Variants in MYO5B observed in about 807,000 individuals in gnomAD.
MYO5B encodes unconventional myosin-Vb.
A neutral mutation model predicts 229.3 loss-of-function variants in MYO5B; 143 were observed. That is an observed-to-expected ratio of 0.62 (90% CI 0.54 to 0.72). The LOEUF is 0.72. Ranked by LOEUF, MYO5B falls within the 30% of genes least tolerant of loss-of-function variation. The probability of loss-of-function intolerance (pLI) is 0.00; values close to 1 mark genes in which losing one functional copy is unlikely to be tolerated. For missense variants in MYO5B, 2,321 were observed against 2,331.0 expected, an observed-to-expected ratio of 1.00 and a Z score of 0.09; for synonymous variants, 918 against 885.2, an observed-to-expected ratio of 1.04 and a Z score of -0.66.
rs180961221 is a variant in MYO5B at position 49,916,654 on chromosome 18, A to G, written c.2091-4481T>C. Among the ~76,000 whole-genome samples, 30 of 152,266 alleles carry G rather than the reference A, an allele frequency of 2.0e-4. No homozygotes were observed. The East Asian group carries it at 4.8e-3, about 25-fold the overall frequency. ...GAGATGCCAGCTCCTGTGTGAAGGC[A>G]AACCGTCCACTGAGAAGCACCACCA... On this transcript the variant is annotated intron_variant, in intron 17 of 39. Transcript: ENST00000285039.
chr18:50,120,900 A>G (rs764870140), intron 1 of MYO5B, among the ~76,000 whole-genome samples: 2 of 152,134 alleles, frequency 1.3e-5, no homozygotes, highest in African/African-American at 2.4e-5. Context: ...AAGGCTTCCA[A>G]TGTTTCAGGA....
intron 1 of MYO5B, among the ~76,000 whole-genome samples, chr18:50,110,792 TCTAGA>T (rs2031851741): frequency 6.6e-6 from 1 of 151,864 alleles, no homozygotes; most frequent in Admixed American, 6.6e-5. Context: ...ACCTAGAAGA[TCTAGA>T]CAAGGTAGAG....
At chr18:49,846,081 A>G (rs755150654) in intron 33 of MYO5B, among the ~76,000 whole-genome samples, 59 of 152,294 alleles carry the variant, frequency 3.9e-4, no homozygotes, top group Middle Eastern at 3.4e-3. Flanking sequence ...CAGGGAGCAC[A>G]TGGGGGTGGG....
chr18:49,963,227 A>T (rs117206526), intron 10 of MYO5B, among the ~76,000 whole-genome samples, 197 bp from the exon 11 acceptor site: 1 of 152,112 alleles, frequency 6.6e-6, no homozygotes, highest in Non-Finnish European at 1.5e-5. Flanking sequence ...TCTATTTTCA[A>T]AACTAGAAAA....
At position 49,823,419 on chromosome 18, in the gene MYO5B, T is replaced by G. The variant is rs1286728070; in HGVS notation, c.*3052A>C. ...ACAAATGCCTCAATTTAGGACACCC[T>G]TGCTGTCTTAGTAGGTCAAGTGTAT... On this transcript the variant is annotated 3_prime_UTR_variant, in exon 40 of 40. Transcript: ENST00000285039. The G allele has an allele frequency of 2.6e-5, 4 of 152,322 alleles. No homozygotes were observed. Among genetic ancestry groups the G allele is most frequent in the African/African-American group, 9.6e-5 (4 of 41,486 alleles). The allele number at this position is 152,322 out of a possible 1,614,324, so 9.4% of individuals were successfully genotyped here.
intron 2 of MYO5B, among the ~76,000 whole-genome samples, chr18:50,041,231 T>G (rs560372123): frequency 6.6e-6 from 1 of 152,302 alleles, no homozygotes; most frequent in African/African-American, 2.4e-5. Flanking sequence ...TTAAAATACA[T>G]TCCCAAGTAA....
At chr18:50,133,536 A>C (rs554228375) in intron 1 of MYO5B, among the ~76,000 whole-genome samples, 1 of 152,312 alleles carries the variant, frequency 6.6e-6, no homozygotes, top group Non-Finnish European at 1.5e-5. Context: ...AAGTTGACTC[A>C]AGAACCAAGA....
intron 8 of MYO5B, among the ~76,000 whole-genome samples, chr18:49,981,298 AG>A (rs2025811679): frequency 6.6e-6 from 1 of 152,282 alleles, no homozygotes; most frequent in South Asian, 2.1e-4. Context: ...AATGAATACC[AG>A]TGAACCTTCC....
At chr18:50,184,054 A>C (rs1467987068) in intron 1 of MYO5B, among the ~76,000 whole-genome samples, 1 of 152,202 alleles carries the variant, frequency 6.6e-6, no homozygotes, top group African/African-American at 2.4e-5. Flanking sequence ...AACCTTTTTA[A>C]AATAAATTAC....
chr18:49,837,837 C>T (rs1306109795), intron 36 of MYO5B, 35 bp from the exon 37 acceptor site: 2 of 1,610,566 alleles, frequency 1.2e-6, no homozygotes, highest in South Asian at 2.2e-5. Flanking sequence ...AGCTTGCATT[C>T]CCCACTAACA....
chr18:49,934,352 C>T (rs1381273379), intron 16 of MYO5B, among the ~76,000 whole-genome samples: 2 of 152,216 alleles, frequency 1.3e-5, no homozygotes, highest in African/African-American at 4.8e-5. Context: ...GTCAGTATTC[C>T]TCCCACCTTT....
intron 1 of MYO5B, among the ~76,000 whole-genome samples, chr18:50,176,457 T>C (rs928452052): frequency 6.6e-6 from 1 of 152,204 alleles, no homozygotes; most frequent in Non-Finnish European, 1.5e-5. Context: ...ATAACTGCAT[T>C]TCTGAAATTT....
At chr18:49,872,655 G>A (rs1458631710) in intron 26 of MYO5B, among the ~76,000 whole-genome samples, 1 of 152,144 alleles carries the variant, frequency 6.6e-6, no homozygotes, top group African/African-American at 2.4e-5. Flanking sequence ...CCAGTCGGAA[G>A]ACGACACAGG....
chr18:49,971,139 G>A (rs1448879390), intron 10 of MYO5B, among the ~76,000 whole-genome samples: 2 of 152,118 alleles, frequency 1.3e-5, no homozygotes, highest in East Asian at 3.9e-4. Flanking sequence ...ACTAAACAAC[G>A]CTTGGGTTTT....
intron 14 of MYO5B, among the ~76,000 whole-genome samples, chr18:49,941,317 G>A (rs890135347): frequency 1.3e-5 from 2 of 152,104 alleles, no homozygotes; most frequent in Admixed American, 1.3e-4. Context: ...GCCATCTCTG[G>A]TGAGCAGCCC....
chr18:49,912,068 G>A lies in MYO5B; in HGVS notation c.2196C>T (p.Leu732=). Residue 732 remains leucine (L), a synonymous_variant, in exon 18 of 40, where the codon CTC becomes CTT. Coordinates refer to ENST00000285039, the MANE Select transcript of MYO5B (RefSeq NM_001080467.3). ...KAICRSVLEN[L]IKDPDKFQFG... is the part of the protein sequence containing the mutation. ...GCTGGGCTGTGTGGCTCACCTTGAT[G>A]AGGTTCTCCAGGACAGACCTGCAGA... 1 of 1,613,946 alleles carries A rather than the reference G, an allele frequency of 6.2e-7. No individual in the cohort carries two copies. The highest frequency in any genetic ancestry group is 1.1e-5 in the South Asian group (1 of 91,070).
chr18:50,167,628 C>A (rs1354533524), intron 1 of MYO5B, among the ~76,000 whole-genome samples: 3 of 152,192 alleles, frequency 2.0e-5, no homozygotes, highest in Non-Finnish European at 4.4e-5. Flanking sequence ...AGCTATTTGT[C>A]CTCTAACCCA....
Position 49,826,436 on chromosome 18 carries a change from A to G in MYO5B, c.*35T>C, listed in dbSNP as rs1284055227. The G allele has an allele frequency of 1.2e-6, 2 of 1,611,966 alleles. No homozygotes were observed. Among genetic ancestry groups the G allele is most frequent in the African/African-American group, 1.3e-5 (1 of 74,872 alleles). ...CTGTATATACTTCCTTCTTGCTCAC[A>G]TTGGGAATCAAACTAATGCTGGAAA... On this transcript the variant is annotated 3_prime_UTR_variant, in exon 40 of 40. Coordinates refer to ENST00000285039, the MANE Select transcript of MYO5B (RefSeq NM_001080467.3).
intron 17 of MYO5B, among the ~76,000 whole-genome samples, chr18:49,924,453 C>T (rs2025108117): frequency 6.6e-6 from 1 of 152,152 alleles, no homozygotes; most frequent in African/African-American, 2.4e-5. Context: ...GGAGTCAATA[C>T]TTGAATCCAG....
Sources: allele counts gnomAD v4.1 joint callset (sites outside exome capture counted in the v4.1 genomes callset), GRCh38; gene constraint gnomAD v4.1.1; transcripts MANE v1.5; gene names NCBI Gene and HGNC (gene_info 2026-07-23, HGNC 2026-07-21).